Variants in VOPP1 observed in about 807,000 individuals in gnomAD.
VOPP1 encodes VOPP1 WW domain binding protein.
VOPP1 carries 8 observed loss-of-function variants against 23.5 expected under a neutral mutation model. That is an observed-to-expected ratio of 0.34 (90% CI 0.20 to 0.61). The LOEUF is 0.61. Among genes scored for constraint, VOPP1 ranks in the 20% least tolerant of loss-of-function variants. VOPP1 has a pLI of 0.78. For missense variants in VOPP1, 174 were observed against 238.1 expected (o/e 0.73, Z 1.77); for synonymous variants, 83 against 97.3 (o/e 0.85, Z 0.86).
intron 2 of VOPP1, among the ~76,000 whole-genome samples, chr7:55,502,869 G>A (rs1054394910): frequency 1.3e-5 from 2 of 152,156 alleles, no homozygotes; most frequent in Non-Finnish European, 2.9e-5. Context: ...TTTTCATCTC[G>A]TTCTTCTCTG....
intron 4 of VOPP1, among the ~76,000 whole-genome samples, chr7:55,442,756 A>G (rs2128999649): frequency 6.6e-6 from 1 of 151,944 alleles, no homozygotes; most frequent in African/African-American, 2.4e-5. Flanking sequence ...TACCATGAGG[A>G]TGGATGCAAG....
At chr7:55,438,077 A>G (rs1790875567) in intron 4 of VOPP1, among the ~76,000 whole-genome samples, 1 of 151,680 alleles carries the variant, frequency 6.6e-6, no homozygotes, top group Non-Finnish European at 1.5e-5. Flanking sequence ...AATTTTTTGT[A>G]TTTTTAGTAG....
chr7:55,484,849 C>T (rs1283100432), intron 4 of VOPP1, among the ~76,000 whole-genome samples: 4 of 152,180 alleles, frequency 2.6e-5, no homozygotes, highest in African/African-American at 9.7e-5. Flanking sequence ...GGGGAAGACA[C>T]GTTCTTGCTG....
At chr7:55,489,277 G>A (rs771350746) in intron 4 of VOPP1, among the ~76,000 whole-genome samples, 3 of 152,204 alleles carry the variant, frequency 2.0e-5, no homozygotes, top group Non-Finnish European at 4.4e-5. Context: ...CAGCCACACC[G>A]TTGCAGGCCT....
intron 1 of VOPP1, among the ~76,000 whole-genome samples, chr7:55,537,332 C>T (rs1361616324): frequency 6.6e-6 from 1 of 152,234 alleles, no homozygotes; most frequent in East Asian, 1.9e-4. Context: ...ACTCTGCCCC[C>T]ACTGCTGGCT....
chr7:55,521,613 G>A (rs117350730), intron 1 of VOPP1: 13,782 of 987,540 alleles, frequency 0.014, 101 homozygotes, highest in Middle Eastern at 0.024. Flanking sequence ...CGGTTCACTC[G>A]TTGCCCTCTC....
chr7:55,543,720 G>A (rs1428577934), intron 1 of VOPP1, among the ~76,000 whole-genome samples: 2 of 150,206 alleles, frequency 1.3e-5, no homozygotes, highest in Non-Finnish European at 3.0e-5. Flanking sequence ...TTTGAGAAAT[G>A]TCTATTCAAA....
rs149662042 is a variant in VOPP1 at position 55,440,956 on chromosome 7, C to T, written n.418-4782G>A. On this transcript the variant is annotated intron_variant and non_coding_transcript_variant, in intron 4 of 4. Coordinates refer to the VOPP1 transcript ENST00000462326. ...CATGTTCAGGGATCAAAGAGGGGCA[C>T]GGAACACACCCGGATGACTCTGCTT... 1.5e-3 allele frequency among the ~76,000 whole-genome samples: 223 copies of T among 152,262 alleles called. 1 individual carries two copies. The highest frequency in any genetic ancestry group is 3.7e-3 in the African/African-American group (154 of 41,540).
intron 1 of VOPP1, among the ~76,000 whole-genome samples, chr7:55,535,973 G>GT (rs1796761717): frequency 6.6e-6 from 1 of 152,194 alleles, no homozygotes; most frequent in Admixed American, 6.5e-5. Context: ...CCCACACTCT[G>GT]TGCCAAGCAA....
chr7:55,438,746 C>T (rs549221149), intron 4 of VOPP1, among the ~76,000 whole-genome samples: 13 of 152,338 alleles, frequency 8.5e-5, no homozygotes, highest in African/African-American at 2.6e-4. Flanking sequence ...TGAAGGAAGG[C>T]ATTATCTGGC....
chr7:55,485,948 G>C (rs1201434359), intron 4 of VOPP1, among the ~76,000 whole-genome samples: 1 of 152,238 alleles, frequency 6.6e-6, no homozygotes, highest in African/African-American at 2.4e-5. Flanking sequence ...GCTTCCCACG[G>C]GGAGAGGAAT....
chr7:55,510,787 A>G (rs78372419), intron 2 of VOPP1, among the ~76,000 whole-genome samples: 1,665 of 151,862 alleles, frequency 0.011, 11 homozygotes, highest in Middle Eastern at 0.02. Flanking sequence ...AGGCACCCTG[A>G]ACTCCAGCCC....
intron 1 of VOPP1, among the ~76,000 whole-genome samples, chr7:55,534,083 A>C (rs935378084): frequency 1.1e-4 from 16 of 150,928 alleles, no homozygotes; most frequent in Non-Finnish European, 1.9e-4. Context: ...AATAGCTGTC[A>C]CTGTGTCCTG....
At chr7:55,535,005 T>G (rs866355332) in intron 1 of VOPP1, among the ~76,000 whole-genome samples, 1 of 152,174 alleles carries the variant, frequency 6.6e-6, no homozygotes, top group Non-Finnish European at 1.5e-5. Flanking sequence ...GAAGACACAG[T>G]TGAAGAGTGG....
At chr7:55,454,354 G>A (rs569880817) in intron 4 of VOPP1, among the ~76,000 whole-genome samples, 2 of 152,098 alleles carry the variant, frequency 1.3e-5, no homozygotes, top group East Asian at 1.9e-4. Context: ...ATTCACAGCC[G>A]AATTCTACCA....
chr7:55,540,825 G>A (rs1021354739), intron 1 of VOPP1, among the ~76,000 whole-genome samples: 2 of 152,132 alleles, frequency 1.3e-5, no homozygotes, highest in African/African-American at 2.4e-5. Flanking sequence ...ATTTTACGGC[G>A]TAGTTTATTT....
rs559902496 is a variant in VOPP1 at position 55,543,072 on chromosome 7, C to T, written c.55-21942G>A. Reference sequence around the variant, plus strand: ...CTGGGAATACAGGCACCTGCCACCACGCCCGGCTAATTTTTTGTGTTTTTA... The same window carrying T: ...CTGGGAATACAGGCACCTGCCACCATGCCCGGCTAATTTTTTGTGTTTTTA... On this transcript the variant is annotated intron_variant, in intron 1 of 4. Transcript: ENST00000285279. Among the ~76,000 whole-genome samples the T allele has an allele frequency of 3.9e-5, 6 of 152,108 alleles. No individual in the cohort carries two copies. In the East Asian group the frequency reaches 5.8e-4, roughly 15 times the overall value.
chr7:55,441,143 C>T (rs574318372), intron 4 of VOPP1, among the ~76,000 whole-genome samples: 1 of 152,316 alleles, frequency 6.6e-6, no homozygotes, highest in South Asian at 2.1e-4. Flanking sequence ...CTTGCCGGCA[C>T]AGAGCCGCCC....
chr7:55,532,437 G>A (rs894889839), intron 1 of VOPP1, among the ~76,000 whole-genome samples: 10 of 152,202 alleles, frequency 6.6e-5, no homozygotes, highest in South Asian at 2.1e-4. Context: ...CTGCTAAGTC[G>A]TTACATTGTG....
Sources: allele counts gnomAD v4.1 joint callset (sites outside exome capture counted in the v4.1 genomes callset), GRCh38; gene constraint gnomAD v4.1.1; transcripts MANE v1.5; gene names NCBI Gene and HGNC (gene_info 2026-07-23, HGNC 2026-07-21).